RPGRIP1: variants seen among roughly 807,000 people sequenced by gnomAD.
RPGRIP1 encodes the protein RPGR interacting protein 1.
Under a neutral mutation model 157.9 loss-of-function variants are expected in RPGRIP1, and 128 were observed. That is an observed-to-expected ratio of 0.81 (90% CI 0.70 to 0.94). The LOEUF is 0.94. Among genes scored for constraint, RPGRIP1 ranks in the 40% least tolerant of loss-of-function variants. The pLI, the probability that RPGRIP1 is intolerant of heterozygous loss-of-function variation, is 0.00. For synonymous variants in RPGRIP1, 554 were observed against 571.6 expected, an observed-to-expected ratio of 0.97 and a Z score of 0.44; for missense variants, 1,486 against 1,545.8, an observed-to-expected ratio of 0.96 and a Z score of 0.65.
intron 18 of RPGRIP1, 38 bp downstream of exon 18, chr14:21,327,845 C>T: frequency 6.8e-7 from 1 of 1,464,034 alleles, no homozygotes; most frequent in Non-Finnish European, 9.3e-7. Context: ...AGATCTCTGC[C>T]AATCCTATGG....
At position 21,287,860 on chromosome 14, in the gene RPGRIP1, T is replaced by G. The variant is rs1014433113; in HGVS notation, c.-38-79T>G. Reference sequence around the variant, plus strand: ...TACCATCATGAAAGTGCTGAGAAATTCCTGCTACAACTTATGTACACGTTT... The same window carrying G: ...TACCATCATGAAAGTGCTGAGAAATGCCTGCTACAACTTATGTACACGTTT... On this transcript the variant is annotated intron_variant, in intron 1 of 24. Coordinates refer to ENST00000400017, the MANE Select transcript of RPGRIP1 (RefSeq NM_020366.4). The G allele has an allele frequency of 5.7e-5, 38 of 670,382 alleles. No homozygotes were observed. In the Middle Eastern group the frequency reaches 1.3e-3, roughly 22 times the overall value. 41.5% of individuals were successfully genotyped at this position (670,382 alleles called of 1,614,324 possible). A position where few individuals can be genotyped will look rare whatever the true frequency, so the allele number is the denominator to read the frequency against.
At position 21,307,827 on chromosome 14, in the gene RPGRIP1, AG is replaced by A. The variant is rs1566674893; in HGVS notation, c.898del (p.Val300PhefsTer16). ...LVMTKAQLTE[V>X]QEAYETLLQK... is the part of the protein sequence containing the mutation. ...TTATGACAAAAGCACAATTAACAGA[AG>A]TTCAAGAGGTGAGTTGCCATCATCA... On this transcript the variant is annotated frameshift_variant, in exon 7 of 25. Coordinates refer to ENST00000400017, the MANE Select transcript of RPGRIP1 (RefSeq NM_020366.4). LOFTEE classifies it high-confidence loss of function. 1 of 1,554,122 alleles carries A rather than the reference AG, an allele frequency of 6.4e-7. No individual in the cohort carries two copies. The highest frequency in any genetic ancestry group is 2.0e-5 in the Admixed American group (1 of 50,894).
intron 21 of RPGRIP1, among the ~76,000 whole-genome samples, chr14:21,339,192 A>G (rs1312985634): frequency 6.6e-6 from 1 of 151,904 alleles, no homozygotes; most frequent in Non-Finnish European, 1.5e-5. Context: ...TCACGCCTGT[A>G]ATTCTAGCAC....
At chr14:21,342,007 G>A (rs138447987) in intron 21 of RPGRIP1, among the ~76,000 whole-genome samples, 3,067 of 151,024 alleles carry the variant, frequency 0.02, 61 homozygotes, top group East Asian at 0.13. Flanking sequence ...CCGAGATCGT[G>A]CCACTGCACT....
chr14:21,300,166 G>C (rs1399099202), intron 3 of RPGRIP1, among the ~76,000 whole-genome samples: 1 of 152,178 alleles, frequency 6.6e-6, no homozygotes, highest in African/African-American at 2.4e-5. Context: ...GTGGTTAGGC[G>C]TGGTGGCGCA....
rs199888858 is a variant in RPGRIP1 at position 21,287,950 on chromosome 14, A to T, written c.-27A>T. The T allele has an allele frequency of 5.9e-6, 9 of 1,534,808 alleles. No individual in the cohort carries two copies. The African/African-American group carries it at 8.2e-5, about 14-fold the overall frequency. ...TTCCTTTATTTCAGTGTCCTCTGGG[A>T]TCTCTTACAGCTTGGGAACAGAGAT... On this transcript the variant is annotated 5_prime_UTR_variant, in exon 2 of 25. Transcript: ENST00000400017.
At chr14:21,317,984 T>C in intron 11 of RPGRIP1, 134 bp downstream of exon 11, 1 of 742,900 alleles carries the variant, frequency 1.3e-6, no homozygotes. Flanking sequence ...GTAACTAGAA[T>C]GAGAACACTA....
At position 21,307,800 on chromosome 14, in the gene RPGRIP1, G is replaced by T. The variant is rs1459207230; in HGVS notation, c.870G>T (p.Leu290Phe). Residue 290 changes from leucine to phenylalanine, a missense_variant, in exon 7 of 25, where the codon TTG (leucine) becomes TTT (phenylalanine). By Grantham distance (22) the Leu-to-Phe change is conservative (BLOSUM62 0). Transcript: ENST00000400017. ...KKLLHERNASLVMTKAQLTEV... is the reference protein window; with the variant it reads ...KKLLHERNASFVMTKAQLTEV... ...TCTTACATGAAAGAAATGCTTCATT[G>T]GTTATGACAAAAGCACAATTAACAG... 1 of 1,566,726 alleles carries T rather than the reference G, an allele frequency of 6.4e-7. No homozygotes were observed. The highest frequency in any genetic ancestry group is 1.2e-5 in the South Asian group (1 of 83,428).
Position 21,320,185 on chromosome 14 carries a change from C to A in RPGRIP1, c.1467+8C>A. Reference sequence around the variant, plus strand: ...GAGAACACTCAGATCGAGGTAAGAGCCTCTTTAAACAAACTAGTCCACTCT... The same window carrying A: ...GAGAACACTCAGATCGAGGTAAGAGACTCTTTAAACAAACTAGTCCACTCT... On this transcript the variant is annotated splice_region_variant and intron_variant, in intron 12 of 24. Transcript: ENST00000400017. 5 of 1,612,214 alleles carry A rather than the reference C, an allele frequency of 3.1e-6. No homozygotes were observed. Among genetic ancestry groups the A allele is most frequent in the Non-Finnish European group, 4.2e-6 (5 of 1,178,828 alleles).
intron 6 of RPGRIP1, among the ~76,000 whole-genome samples, chr14:21,304,566 C>G (rs1036764512): frequency 6.6e-6 from 1 of 151,982 alleles, no homozygotes; most frequent in Admixed American, 6.6e-5. Context: ...TGCATAAATT[C>G]CTGGAAAACT....
intron 21 of RPGRIP1, among the ~76,000 whole-genome samples, chr14:21,342,183 T>C (rs1045463909): frequency 8.6e-5 from 13 of 151,974 alleles, no homozygotes; most frequent in African/African-American, 3.1e-4. Context: ...AGCTACTGAA[T>C]CTCCAGTATC....
intron 10 of RPGRIP1, among the ~76,000 whole-genome samples, chr14:21,316,964 A>G (rs185775377): frequency 6.5e-4 from 99 of 151,950 alleles, no homozygotes; most frequent in Non-Finnish European, 1.2e-3. Context: ...TATTAAAAAT[A>G]CAAAAATTAG....
At chr14:21,296,424 C>T (rs966433805) in intron 3 of RPGRIP1, among the ~76,000 whole-genome samples, 13 of 151,156 alleles carry the variant, frequency 8.6e-5, no homozygotes, top group Admixed American at 2.6e-4. Flanking sequence ...CTGTTGGCCA[C>T]GGTAGTCTCA....
intron 21 of RPGRIP1, among the ~76,000 whole-genome samples, chr14:21,338,964 C>A (rs1287616433): frequency 6.6e-6 from 1 of 151,788 alleles, no homozygotes; most frequent in African/African-American, 2.4e-5. Context: ...CATGGTGAAA[C>A]CCTGTCTACA....
intron 12 of RPGRIP1, 120 bp downstream of exon 12, chr14:21,320,297 T>C: frequency 1.1e-6 from 1 of 944,350 alleles, no homozygotes. Flanking sequence ...CTGAGGACAC[T>C]CTTTTTTTTT....
intron 1 of RPGRIP1, among the ~76,000 whole-genome samples, chr14:21,287,654 T>C (rs1880347207): frequency 6.6e-6 from 1 of 152,024 alleles, no homozygotes; most frequent in Non-Finnish European, 1.5e-5. Context: ...AGAAAAGGGA[T>C]GGTCATCGGC....
Position 21,315,273 on chromosome 14 carries a change from C to T in RPGRIP1, c.1152-2423C>T, listed in dbSNP as rs184664569. ...CTGTAATCCCAGCACTTTGGGAGGC[C>T]GAGGTGGGTGGATCACGAGGTCAGG... On this transcript the variant is annotated intron_variant, in intron 10 of 24. Transcript: ENST00000400017. Among the ~76,000 whole-genome samples, 191 of 151,956 alleles carry T rather than the reference C, an allele frequency of 1.3e-3. 2 individuals are homozygous for T. The highest frequency in any genetic ancestry group is 4.3e-3 in the African/African-American group (179 of 41,482).
chr14:21,314,373 C>T (rs775737125), intron 10 of RPGRIP1, among the ~76,000 whole-genome samples: 4 of 152,064 alleles, frequency 2.6e-5, no homozygotes, highest in Non-Finnish European at 4.4e-5. Context: ...CATGAGCCAC[C>T]GACCCTGGGC....
In RPGRIP1 at chr14:21,303,340, T is replaced by C. The variant is rs762289346; in HGVS notation, c.597T>C (p.Gly199=). Residue 199 remains glycine (G), a synonymous_variant, in exon 6 of 25, where the codon GGT becomes GGC. Transcript: ENST00000400017. The part of the protein sequence containing the change: ...VASKPSELVS[G]SNSIISFSSV... ...TCCTTTTTGTATTTAGTGTTTCTGGTTCTAACAGCATAATTTCTTTCAGCA... is the reference window on the plus strand; with the variant it reads ...TCCTTTTTGTATTTAGTGTTTCTGGCTCTAACAGCATAATTTCTTTCAGCA... 1.2e-6 allele frequency: 2 copies of C among 1,612,130 alleles called. No homozygotes were observed.
Sources: gnomAD v4.1 joint callset for allele counts (sites outside exome capture counted in the v4.1 genomes callset) on GRCh38, gnomAD v4.1.1 for gene constraint, MANE v1.5 for transcripts, NCBI Gene and HGNC (gene_info 2026-07-23, HGNC 2026-07-21) for gene names.